The following VMAC variants were observed in gnomAD, a reference collection of about 807,000 sequenced individuals.
VMAC encodes vimentin-type intermediate filament-associated coiled-coil protein.
VMAC carries 8 observed loss-of-function variants against 4.8 expected under a neutral mutation model. That is an observed-to-expected ratio of 1.68 (90% CI 0.99 to 3.03). VMAC has a LOEUF of 3.03. Among genes scored for constraint, VMAC ranks in the 30% most tolerant of loss-of-function variants. The probability of loss-of-function intolerance (pLI) is 0.00; values close to 1 mark genes in which losing one functional copy is unlikely to be tolerated. For missense variants in VMAC, 248 were observed against 245.1 expected, an observed-to-expected ratio of 1.01 and a Z score of -0.08; for synonymous variants, 96 against 113.7, an observed-to-expected ratio of 0.84 and a Z score of 0.99.
At chr19:5,906,396 A>G (rs2057679175) in intron 1 of VMAC, among the ~76,000 whole-genome samples, 2 of 152,154 alleles carry the variant, frequency 1.3e-5, no homozygotes, top group South Asian at 4.1e-4. Context: ...GGACATATTC[A>G]TTTTTACCGA....
rs755448801 is a variant in VMAC, at chr19:5,904,914, G to C, written c.24G>C (p.Gln8His). 8 of 1,489,678 alleles carry C rather than the reference G, an allele frequency of 5.4e-6. No individual in the cohort carries two copies. The East Asian group carries it at 1.1e-4, about 21-fold the overall frequency. The allele number at this position is 1,489,678 out of a possible 1,614,324, so 92.3% of individuals were successfully genotyped here. ...CCATGTCGGCGCCGCCGGCCCTGCA[G>C]ATCCGGGAGGCAAACGCACACCTGG... MSAPPAL[Q>H]IREANAHLAA... The change falls in exon 1 of 2, where the codon CAG becomes CAC. Residue 8 changes from glutamine (Q) to histidine (H), a missense_variant. Gln to His is a conservative substitution (Grantham distance 24). Transcript: ENST00000339485.
chr19:5,908,945 C>T lies in VMAC; in HGVS notation c.313C>T (p.Gln105Ter). 6.2e-7 allele frequency: 1 copy of T among 1,613,594 alleles called. No homozygotes were observed. The highest frequency in any genetic ancestry group is 2.2e-5 in the East Asian group (1 of 44,862). ...RQLQPRAELLQDICRRRPPLA... is the reference protein window; with the variant it reads ...RQLQPRAELL ...GTTGCAGCCCCGGGCTGAGCTGCTG[C>T]AGGACATCTGCCGCCGCCGGCCACC... Residue 105 changes from glutamine (Q) to a stop codon, truncating the protein, a stop_gained, in exon 2 of 2, where the codon CAG (glutamine) becomes TAG (stop). Transcript: ENST00000339485. LOFTEE classifies it low-confidence loss of function (END_TRUNC). This position sits in a 1 kb window ranked among gnomAD's most constrained non-coding sequence, Gnocchi z 4.5.
Position 5,909,171 on chromosome 19 carries a change from CAGAA to C in VMAC, c.*32_*35del. 1 of 1,523,498 alleles carries C rather than the reference CAGAA, an allele frequency of 6.6e-7. No individual in the cohort carries two copies. Among genetic ancestry groups the C allele is most frequent in the Non-Finnish European group, 8.7e-7 (1 of 1,142,970 alleles). 94.4% of individuals were successfully genotyped at this position (1,523,498 alleles called of 1,614,324 possible). On this transcript the variant is annotated 3_prime_UTR_variant, in exon 2 of 2. Transcript: ENST00000339485. The stretch of plus-strand genomic sequence containing the variant: ...CGGAATGCAGATTACAGAATGGAGA[CAGAA>C]AGCCACTGCTGTCAGTGTCCTTGGG...
chr19:5,905,178 A>T, intron 1 of VMAC, 97 bp downstream of exon 1: 1 of 1,208,464 alleles, frequency 8.3e-7, no homozygotes, highest in Non-Finnish European at 1.1e-6. Flanking sequence ...AACCGTGTGC[A>T]CTTGTATAGA....
Position 5,910,001 on chromosome 19 carries a change from C to T in VMAC, c.*859C>T, listed in dbSNP as rs2057692269. 2.6e-5 allele frequency: 2 copies of T among 77,294 alleles called. No individual in the cohort carries two copies. Among genetic ancestry groups the T allele is most frequent in the Non-Finnish European group, 5.6e-5 (2 of 35,456 alleles). The allele number at this position is 77,294 out of a possible 1,614,324, so 4.8% of individuals were successfully genotyped here. On this transcript the variant is annotated 3_prime_UTR_variant, in exon 2 of 2. Coordinates refer to ENST00000339485, the MANE Select transcript of VMAC (RefSeq NM_001017921.4). Reference sequence around the variant, plus strand: ...CGGCAGCCATTCCCCTACCTCCTCACTCAGGAACTGTCACACCAGGAACCG... The same window carrying T: ...CGGCAGCCATTCCCCTACCTCCTCATTCAGGAACTGTCACACCAGGAACCG...
At chr19:5,906,261 T>G (rs1243745085) in intron 1 of VMAC, among the ~76,000 whole-genome samples, 1 of 152,210 alleles carries the variant, frequency 6.6e-6, no homozygotes, top group Non-Finnish European at 1.5e-5. Context: ...CGAGCCACCA[T>G]GCTGGCCCAT....
chr19:5,909,017 C>A lies in VMAC; in HGVS notation c.385C>A (p.Pro129Thr). ...DALAEAERLG[P>T]LPASDPGHPP... is the part of the protein sequence containing the mutation. ...CCTGGCTGAGGCTGAGCGCCTGGGG[C>A]CCCTGCCGGCCAGTGACCCCGGCCA... is the stretch of plus-strand genomic sequence containing the variant. Residue 129 changes from proline to threonine, a missense_variant, in exon 2 of 2, where the codon CCC becomes ACC. Pro to Thr is a conservative substitution (Grantham distance 38). Transcript: ENST00000339485. 1.3e-6 allele frequency: 2 copies of A among 1,589,060 alleles called. No homozygotes were observed. Among genetic ancestry groups the A allele is most frequent in the Non-Finnish European group, 1.7e-6 (2 of 1,168,574 alleles).
Position 5,909,303 on chromosome 19 carries a change from C to A in VMAC, c.*161C>A. ...AAAAGTTTTCAAATAGGCCCACAGG[C>A]CAGGTGCAGACGTTTAACCCAGACA... On this transcript the variant is annotated 3_prime_UTR_variant, in exon 2 of 2. Coordinates refer to ENST00000339485, the MANE Select transcript of VMAC (RefSeq NM_001017921.4). 1.4e-6 allele frequency: 1 copy of A among 689,938 alleles called. No individual in the cohort carries two copies. Among genetic ancestry groups the A allele is most frequent in the Non-Finnish European group, 2.3e-6 (1 of 434,434 alleles). 42.7% of individuals were successfully genotyped at this position (689,938 alleles called of 1,614,324 possible). A position where few individuals can be genotyped will look rare whatever the true frequency, so the allele number is the denominator to read the frequency against.
In VMAC at chr19:5,909,189, AG is replaced by A; in HGVS notation, c.*48del. 1 of 1,518,408 alleles carries A rather than the reference AG, an allele frequency of 6.6e-7. No individual in the cohort carries two copies. Among genetic ancestry groups the A allele is most frequent in the Non-Finnish European group, 8.8e-7 (1 of 1,139,452 alleles). The allele number at this position is 1,518,408 out of a possible 1,614,324, so 94.1% of individuals were successfully genotyped here. On this transcript the variant is annotated 3_prime_UTR_variant, in exon 2 of 2. Transcript: ENST00000339485. Reference sequence around the variant, plus strand: ...ATGGAGACAGAAAGCCACTGCTGTCAGTGTCCTTGGGAGTCACCAGCACCCT... The same window carrying A: ...ATGGAGACAGAAAGCCACTGCTGTCATGTCCTTGGGAGTCACCAGCACCCT...
intron 1 of VMAC, among the ~76,000 whole-genome samples, chr19:5,906,014 T>C (rs868454289): frequency 6.6e-6 from 1 of 151,882 alleles, no homozygotes; most frequent in South Asian, 2.1e-4. Flanking sequence ...AGAGAGGGTC[T>C]TGCTCTGTTG....
At position 5,908,688 on chromosome 19, in the gene VMAC, G is replaced by A. The variant is rs2057687523; in HGVS notation, c.192-136G>A. On this transcript the variant is annotated intron_variant, in intron 1 of 1. Transcript: ENST00000339485. The surrounding 1 kb of genome is among the most constrained non-coding windows in gnomAD (Gnocchi z 4.5). ...AAGAAACATTCTGTTCATAACCAGG[G>A]AGGACCCTGAGGCAGTGGTGAGGAA... is the stretch of plus-strand genomic sequence containing the variant. The A allele has an allele frequency of 6.1e-6, 4 of 652,778 alleles. No individual in the cohort carries two copies. In the South Asian group the frequency reaches 7.9e-5, roughly 13 times the overall value. The allele number at this position is 652,778 out of a possible 1,614,324, so 40.4% of individuals were successfully genotyped here. A position where few individuals can be genotyped will look rare whatever the true frequency, so the allele number is the denominator to read the frequency against.
chr19:5,905,149 A>G, intron 1 of VMAC, 68 bp downstream of exon 1: 2 of 1,325,314 alleles, frequency 1.5e-6, no homozygotes. Flanking sequence ...GAGGCTGGAA[A>G]GCGAGGAAGG....
Position 5,909,090 on chromosome 19 carries a change from A to G in VMAC, c.458A>G (p.Glu153Gly), listed in dbSNP as rs1249736792. 5 of 1,557,526 alleles carry G rather than the reference A, an allele frequency of 3.2e-6. No homozygotes were observed. The highest frequency in any genetic ancestry group is 4.3e-6 in the Non-Finnish European group (5 of 1,156,172). ...PGPPLDNSTG[E>G]EADRDHLQPA... ...CCACCCCTTGACAACAGCACTGGGG[A>G]AGAGGCGGACAGGGACCACCTCCAG... Residue 153 changes from glutamate (E) to glycine (G), a missense_variant, in exon 2 of 2, where the codon GAA becomes GGA. Transcript: ENST00000339485.
Position 5,908,799 on chromosome 19 carries a change from T to C in VMAC, c.192-25T>C. On this transcript the variant is annotated intron_variant, in intron 1 of 1. Coordinates refer to ENST00000339485, the MANE Select transcript of VMAC (RefSeq NM_001017921.4). The surrounding 1 kb of genome is among the most constrained non-coding windows in gnomAD (Gnocchi z 4.5). ...GGTGCTGTGGTCCTCAGTTCTGTAA[T>C]CACCTCCTCTTGCCTTCCTGCCAGT... 6.2e-7 allele frequency: 1 copy of C among 1,612,052 alleles called. No homozygotes were observed. Among genetic ancestry groups the C allele is most frequent in the Non-Finnish European group, 8.5e-7 (1 of 1,179,268 alleles).
At position 5,908,352 on chromosome 19, in the gene VMAC, C is replaced by T. The variant is rs896146152; in HGVS notation, c.192-472C>T. Reference sequence around the variant, plus strand: ...TAATAATAGGCTGGGCGTGGTGGCTCACGCCTGTAATCCCAGCACTTTGAG... The same window carrying T: ...TAATAATAGGCTGGGCGTGGTGGCTTACGCCTGTAATCCCAGCACTTTGAG... On this transcript the variant is annotated intron_variant, in intron 1 of 1. Coordinates refer to ENST00000339485, the MANE Select transcript of VMAC (RefSeq NM_001017921.4). The surrounding 1 kb of genome is among the most constrained non-coding windows in gnomAD (Gnocchi z 4.5). Among the ~76,000 whole-genome samples the T allele has an allele frequency of 2.0e-5, 3 of 150,610 alleles. No homozygotes were observed. Among genetic ancestry groups the T allele is most frequent in the African/African-American group, 7.4e-5 (3 of 40,806 alleles).
Position 5,909,290 on chromosome 19 carries a change from A to C in VMAC, c.*148A>C. On this transcript the variant is annotated 3_prime_UTR_variant, in exon 2 of 2. Transcript: ENST00000339485. ...GGCTGAACAGTCAAAAAGTTTTCAA[A>C]TAGGCCCACAGGCCAGGTGCAGACG... 1.2e-6 allele frequency: 1 copy of C among 814,456 alleles called. No homozygotes were observed. Among genetic ancestry groups the C allele is most frequent in the Non-Finnish European group, 1.8e-6 (1 of 544,928 alleles). 50.5% of individuals were successfully genotyped at this position (814,456 alleles called of 1,614,324 possible). A position where few individuals can be genotyped will look rare whatever the true frequency, so the allele number is the denominator to read the frequency against.
At position 5,904,918 on chromosome 19, in the gene VMAC, C is replaced by T. The variant is rs989842785; in HGVS notation, c.28C>T (p.Arg10Trp). 4.0e-6 allele frequency: 6 copies of T among 1,490,262 alleles called. No homozygotes were observed. Among genetic ancestry groups the T allele is most frequent in the South Asian group, 3.8e-5 (3 of 79,180 alleles). 92.3% of individuals were successfully genotyped at this position (1,490,262 alleles called of 1,614,324 possible). ...GTCGGCGCCGCCGGCCCTGCAGATC[C>T]GGGAGGCAAACGCACACCTGGCAGC... is the stretch of plus-strand genomic sequence containing the variant. MSAPPALQI[R>W]EANAHLAAVH... Residue 10 changes from arginine to tryptophan, a missense_variant, in exon 1 of 2, where the codon CGG (arginine) becomes TGG (tryptophan). Physicochemically the swap from Arg to Trp is moderately radical, Grantham distance 101. Coordinates refer to ENST00000339485, the MANE Select transcript of VMAC (RefSeq NM_001017921.4).
Position 5,908,974 on chromosome 19 carries a change from G to T in VMAC, c.342G>T (p.Leu114=). The part of the protein sequence containing the change: ...LQDICRRRPP[L]AGLLDALAEA... ...ACATCTGCCGCCGCCGGCCACCCCT[G>T]GCTGGGCTGCTGGATGCCCTGGCTG... Residue 114 remains leucine (L), a synonymous_variant, in exon 2 of 2, where the codon CTG becomes CTT. Transcript: ENST00000339485. This position sits in a 1 kb window ranked among gnomAD's most constrained non-coding sequence, Gnocchi z 4.5. 1 of 1,611,834 alleles carries T rather than the reference G, an allele frequency of 6.2e-7. No individual in the cohort carries two copies. The highest frequency in any genetic ancestry group is 8.5e-7 in the Non-Finnish European group (1 of 1,179,196).
intron 1 of VMAC, 108 bp downstream of exon 1, chr19:5,905,189 C>T (rs1161463427): frequency 3.5e-6 from 4 of 1,157,692 alleles, no homozygotes; most frequent in African/African-American, 3.2e-5. Flanking sequence ...CTTGTATAGA[C>T]GCTAGACTGA....
Sources: allele counts gnomAD v4.1 joint callset (sites outside exome capture counted in the v4.1 genomes callset), GRCh38; gene constraint gnomAD v4.1.1; non-coding constraint Gnocchi (gnomAD v3.1); transcripts MANE v1.5; gene names NCBI Gene and HGNC (gene_info 2026-07-23, HGNC 2026-07-21).